The following VAV2 variants were observed in gnomAD, a reference collection of about 807,000 sequenced individuals.
The protein encoded by VAV2 is vav guanine nucleotide exchange factor 2.
A neutral mutation model predicts 132.5 loss-of-function variants in VAV2; 67 were observed. The ratio of observed to expected loss-of-function variants is 0.51; its 90% CI spans 0.42 to 0.62. The LOEUF is 0.62. Ranked by LOEUF, VAV2 falls within the 20% of genes least tolerant of loss-of-function variation. The pLI, the probability that VAV2 is intolerant of heterozygous loss-of-function variation, is 0.00. For missense variants in VAV2, 938 were observed against 1,153.6 expected (o/e 0.81, Z 2.71); for synonymous variants, 492 against 443.5 (o/e 1.11, Z -1.37).
At chr9:133,927,066 G>A (rs564619603) in intron 2 of VAV2, among the ~76,000 whole-genome samples, 10 of 151,970 alleles carry the variant, frequency 6.6e-5, no homozygotes, top group Admixed American at 1.3e-4. Flanking sequence ...TACTCAGGCT[G>A]AGTCCCCCCC....
At chr9:133,895,435 A>G (rs1839158994) in intron 2 of VAV2, among the ~76,000 whole-genome samples, 1 of 152,264 alleles carries the variant, frequency 6.6e-6, no homozygotes, top group Non-Finnish European at 1.5e-5. Context: ...GTCCGTCAAC[A>G]GATGAATGGG....
chr9:133,915,663 C>T (rs1479632928), intron 2 of VAV2, among the ~76,000 whole-genome samples: 1 of 151,112 alleles, frequency 6.6e-6, no homozygotes, highest in African/African-American at 2.5e-5. Flanking sequence ...ACACGACGCA[C>T]ACATGCACAC....
chr9:133,932,195 TGG>T (rs931025725), intron 2 of VAV2, among the ~76,000 whole-genome samples: 11 of 152,140 alleles, frequency 7.2e-5, no homozygotes, highest in African/African-American at 2.7e-4. Context: ...TGGCGACCCA[TGG>T]GCTTCTCCAC....
chr9:133,963,865 T>C (rs1842040822), intron 1 of VAV2, among the ~76,000 whole-genome samples: 2 of 151,728 alleles, frequency 1.3e-5, no homozygotes, highest in Non-Finnish European at 2.9e-5. Flanking sequence ...TGGAAAACCA[T>C]TTAGGATAGG....
intron 26 of VAV2, among the ~76,000 whole-genome samples, chr9:133,771,278 G>A (rs1429251077): frequency 6.6e-6 from 1 of 151,962 alleles, no homozygotes; most frequent in Non-Finnish European, 1.5e-5. Context: ...TGGCCAGGCT[G>A]GTCTCGAACT....
intron 2 of VAV2, among the ~76,000 whole-genome samples, chr9:133,936,040 G>A (rs565209760): frequency 6.6e-6 from 1 of 152,294 alleles, no homozygotes; most frequent in African/African-American, 2.4e-5. Context: ...CTGAGACCCT[G>A]CACACATGGC....
rs1046580105 is a variant in VAV2, at chr9:133,914,991, CG to C, written c.321+24111del. On this transcript the variant is annotated intron_variant, in intron 2 of 29. Coordinates refer to ENST00000371850, the MANE Select transcript of VAV2 (RefSeq NM_001134398.2). ...GGCATCAAACCCAGGACAGCTCGCA[CG>C]GGGGGAAGGACCTGGGAGGGAGCAG... Among the ~76,000 whole-genome samples, 7 of 151,762 alleles carry C rather than the reference CG, an allele frequency of 4.6e-5. No individual in the cohort carries two copies. In the East Asian group the frequency reaches 1.4e-3, roughly 30 times the overall value.
chr9:133,852,796 A>G (rs938069266), intron 3 of VAV2, among the ~76,000 whole-genome samples: 1 of 152,178 alleles, frequency 6.6e-6, no homozygotes, highest in South Asian at 2.1e-4. Context: ...AGCCGCAAAG[A>G]GGACACACCA....
chr9:133,905,697 G>A (rs1007743340), intron 2 of VAV2, among the ~76,000 whole-genome samples: 3 of 152,062 alleles, frequency 2.0e-5, no homozygotes, highest in Admixed American at 2.0e-4. Context: ...CCAGCCCTGG[G>A]GGGTAGCCAC....
In VAV2 at chr9:133,904,242, TTG is replaced by T. The variant is rs1839556051; in HGVS notation, c.321+34859_321+34860del. On this transcript the variant is annotated intron_variant, in intron 2 of 29. Transcript: ENST00000371850. ...GGGAACCACTCTGCCACACACAGCT[TTG>T]TTCTTCTGGGAGACCCCTCTAGAGA... Among the ~76,000 whole-genome samples, 3 of 152,212 alleles carry T rather than the reference TTG, an allele frequency of 2.0e-5. No individual in the cohort carries two copies. The South Asian group carries it at 6.2e-4, about 32-fold the overall frequency.
intron 2 of VAV2, among the ~76,000 whole-genome samples, chr9:133,867,833 A>C (rs1318391756): frequency 6.6e-6 from 1 of 152,258 alleles, no homozygotes; most frequent in Non-Finnish European, 1.5e-5. Flanking sequence ...GAAATGGTCC[A>C]GTGTGGGGCG....
rs553647740 is a variant in VAV2 at position 133,790,640 on chromosome 9, C to T, written c.1188+1143G>A. 3.9e-5 allele frequency among the ~76,000 whole-genome samples: 6 copies of T among 152,316 alleles called. No homozygotes were observed. The South Asian group carries it at 1.2e-3, about 32-fold the overall frequency. On this transcript the variant is annotated intron_variant, in intron 13 of 29. Coordinates refer to ENST00000371850, the MANE Select transcript of VAV2 (RefSeq NM_001134398.2). ...CGCCAGGTGCTGATGGTGCAGGGTG[C>T]GGCCGTCCTTGGCCTCCTCTGCACC...
intron 1 of VAV2, among the ~76,000 whole-genome samples, chr9:133,949,512 C>A (rs1271660758): frequency 6.6e-6 from 1 of 152,216 alleles, no homozygotes; most frequent in Non-Finnish European, 1.5e-5. Context: ...CTCTTTCAAC[C>A]CAAGCCCAGC....
At chr9:133,875,934 C>T (rs1838245949) in intron 2 of VAV2, among the ~76,000 whole-genome samples, 1 of 152,226 alleles carries the variant, frequency 6.6e-6, no homozygotes, top group South Asian at 2.1e-4. Context: ...ACTGCGGGGG[C>T]CCAAACAGGT....
rs1056559280 is a variant in VAV2, at chr9:133,804,306, C to T, written c.836+1775G>A. ...CCTTCCCCAAACAGACCCCGACTGA[C>T]GGATCTCGCCACACGCCTCGCTGCC... On this transcript the variant is annotated intron_variant, in intron 9 of 29. Transcript: ENST00000371850. This position sits in a 1 kb window ranked among gnomAD's most constrained non-coding sequence, Gnocchi z 4.5. 2.6e-5 allele frequency among the ~76,000 whole-genome samples: 4 copies of T among 152,248 alleles called. No homozygotes were observed. The highest frequency in any genetic ancestry group is 7.2e-5 in the African/African-American group (3 of 41,470).
chr9:133,916,306 C>A (rs2789833), intron 2 of VAV2, among the ~76,000 whole-genome samples: 3 of 152,232 alleles, frequency 2.0e-5, no homozygotes, highest in Admixed American at 6.5e-5. Context: ...ATGAATTGCC[C>A]GCGGAGCCTG....
chr9:133,764,437 T>A (rs1156941679), intron 29 of VAV2, among the ~76,000 whole-genome samples: 1 of 152,018 alleles, frequency 6.6e-6, no homozygotes, highest in Non-Finnish European at 1.5e-5. Flanking sequence ...CAGGACCAAA[T>A]GACAAAAACC....
At chr9:133,890,185 C>G (rs540972990) in intron 2 of VAV2, among the ~76,000 whole-genome samples, 84 of 152,346 alleles carry the variant, frequency 5.5e-4, no homozygotes, top group Non-Finnish European at 1.1e-3. Context: ...GCCCTCCACA[C>G]AGCCGAGACT....
At chr9:133,798,595 T>C (rs1564358893) in intron 9 of VAV2, among the ~76,000 whole-genome samples, 1 of 152,080 alleles carries the variant, frequency 6.6e-6, no homozygotes, top group Non-Finnish European at 1.5e-5. Flanking sequence ...GGGTCTTAGG[T>C]TACCAGCCTG....
Sources: allele counts gnomAD v4.1 joint callset (sites outside exome capture counted in the v4.1 genomes callset), GRCh38; gene constraint gnomAD v4.1.1; non-coding constraint Gnocchi (gnomAD v3.1); transcripts MANE v1.5; gene names NCBI Gene and HGNC (gene_info 2026-07-23, HGNC 2026-07-21).